Variants in INTS3 observed in about 807,000 individuals in gnomAD.
The protein encoded by INTS3 is integrator complex subunit 3, also known as SOSS complex subunit A.
A neutral mutation model predicts 146.3 loss-of-function variants in INTS3; 34 were observed. The observed-to-expected ratio is 0.23, with a 90% CI of 0.18 to 0.31. The LOEUF is 0.31. Ranked by LOEUF, INTS3 falls within the 10% of genes least tolerant of loss-of-function variation. The pLI is 1.00. For synonymous variants in INTS3, 475 were observed against 494.9 expected (o/e 0.96, Z 0.53); for missense variants, 757 against 1,304.2 (o/e 0.58, Z 6.46).
At chr1:153,770,850 T>G in intron 25 of INTS3, 117 bp downstream of exon 25, 2 of 773,590 alleles carry the variant, frequency 2.6e-6, no homozygotes, top group Non-Finnish European at 4.5e-6. Flanking sequence ...CGTTAACATC[T>G]GCTTATTCTG....
chr1:153,749,947 AC>A (rs1322734059), intron 6 of INTS3, among the ~76,000 whole-genome samples: 2 of 152,180 alleles, frequency 1.3e-5, no homozygotes, highest in Non-Finnish European at 2.9e-5. Context: ...CAAAAAACTT[AC>A]ATCTTTTGGT....
At position 153,764,672 on chromosome 1, in the gene INTS3, A is replaced by ATTC. The variant is rs1251150990; in HGVS notation, c.1926-17_1926-16insTCT. ...GCCCCCCTCACATGGATTCTCAAAT[A>ATTC]TAACCCTCTTCTTGTAGGTCCCTGG... On this transcript the variant is annotated splice_polypyrimidine_tract_variant and intron_variant, in intron 18 of 29. Coordinates refer to ENST00000318967, the MANE Select transcript of INTS3 (RefSeq NM_023015.5). The ATTC allele has an allele frequency of 6.3e-7, 1 of 1,594,890 alleles. No individual in the cohort carries two copies. The highest frequency in any genetic ancestry group is 1.3e-5 in the African/African-American group (1 of 74,470).
In INTS3 at chr1:153,753,652, T is replaced by TC. The variant is rs1672048049; in HGVS notation, c.860-989dup. 6 of 147,862 alleles carry TC rather than the reference T, an allele frequency of 4.1e-5. 1 individual carries two copies. Among genetic ancestry groups the TC allele is most frequent in the African/African-American group, 1.5e-4 (6 of 39,886 alleles). 9.2% of individuals were successfully genotyped at this position (147,862 alleles called of 1,614,324 possible). The stretch of plus-strand genomic sequence containing the variant: ...TGGTAGGTTAGGTGACAGAGGCAGG[T>TC]CTCTTTTTTTTTTTTTTTTTTGAGA... On this transcript the variant is annotated intron_variant, in intron 8 of 29. Coordinates refer to ENST00000318967, the MANE Select transcript of INTS3 (RefSeq NM_023015.5).
Position 153,752,230 on chromosome 1 carries a change from C to A in INTS3, c.730-49C>A, listed in dbSNP as rs765847739. Reference sequence around the variant, plus strand: ...GTCCTCCCTCCAGCAGGTAAACAATCCATGTTTTTATTCTCTTTCCTGTCC... The same window carrying A: ...GTCCTCCCTCCAGCAGGTAAACAATACATGTTTTTATTCTCTTTCCTGTCC... On this transcript the variant is annotated intron_variant, in intron 7 of 29. Coordinates refer to ENST00000318967, the MANE Select transcript of INTS3 (RefSeq NM_023015.5). The A allele has an allele frequency of 1.3e-6, 2 of 1,581,494 alleles. 1 individual carries two copies. Among genetic ancestry groups the A allele is most frequent in the South Asian group, 2.2e-5 (2 of 90,140 alleles).
intron 21 of INTS3, 33 bp downstream of exon 21, chr1:153,767,860 G>C: frequency 6.4e-7 from 1 of 1,565,498 alleles, no homozygotes; most frequent in Non-Finnish European, 8.7e-7. Context: ...GTGCCGGGGG[G>C]CTCACAGGAA....
At chr1:153,769,052 G>A (rs1008688952) in intron 22 of INTS3, 91 bp downstream of exon 22, 4 of 1,042,126 alleles carry the variant, frequency 3.8e-6, no homozygotes, top group African/African-American at 1.6e-5. Flanking sequence ...TGCAGACAGG[G>A]AGCCCATGCC....
rs762084570 is a variant in INTS3 at position 153,748,729 on chromosome 1, T to C, written c.558T>C (p.Ser186=). The C allele has an allele frequency of 4.3e-6, 7 of 1,613,996 alleles. No individual in the cohort carries two copies. Among genetic ancestry groups the C allele is most frequent in the Non-Finnish European group, 5.1e-6 (6 of 1,180,012 alleles). Reference sequence around the variant, plus strand: ...CCAAAAATATCTGGTTGGCAGAAAGTGTTCTGGATATCCTGACAGAGCAAA... The same window carrying C: ...CCAAAAATATCTGGTTGGCAGAAAGCGTTCTGGATATCCTGACAGAGCAAA... ...VTAKNIWLAE[S]VLDILTEQRE... Residue 186 remains serine, a synonymous_variant, in exon 6 of 30, where the codon AGT becomes AGC. Transcript: ENST00000318967.
At chr1:153,752,156 A>G in intron 7 of INTS3, 123 bp from the exon 8 acceptor site, 1 of 963,682 alleles carries the variant, frequency 1.0e-6, no homozygotes, top group Non-Finnish European at 1.6e-6. Flanking sequence ...AAGAAATCAT[A>G]GTTTCTTCAA....
Position 153,770,638 on chromosome 1 carries a change from C to T in INTS3, c.2504-47C>T, listed in dbSNP as rs1219184839. Reference sequence around the variant, plus strand: ...ATGAGAGAGGTCCCCAGATTCCATCCTGGAATCATACCTTCCCCCTGAACA... The same window carrying T: ...ATGAGAGAGGTCCCCAGATTCCATCTTGGAATCATACCTTCCCCCTGAACA... On this transcript the variant is annotated intron_variant, in intron 24 of 29. Coordinates refer to ENST00000318967, the MANE Select transcript of INTS3 (RefSeq NM_023015.5). The T allele has an allele frequency of 2.6e-6, 4 of 1,520,250 alleles. No individual in the cohort carries two copies. In the African/African-American group the frequency reaches 4.1e-5, roughly 16 times the overall value. The allele number at this position is 1,520,250 out of a possible 1,614,324, so 94.2% of individuals were successfully genotyped here.
intron 17 of INTS3, 79 bp downstream of exon 17, chr1:153,763,965 C>T (rs1672483305): frequency 1.4e-6 from 2 of 1,419,428 alleles, no homozygotes; most frequent in Non-Finnish European, 2.0e-6. Context: ...AGACAACTCA[C>T]TTTTTCCCTC....
intron 1 of INTS3, among the ~76,000 whole-genome samples, chr1:153,738,026 A>C (rs547062574): frequency 2.6e-5 from 4 of 152,350 alleles, no homozygotes; most frequent in African/African-American, 9.6e-5. Context: ...AATCCAAGAT[A>C]TACAATTTTA....
chr1:153,773,311 C>T lies in INTS3; in HGVS notation c.*41C>T, dbSNP rs773295613. 5.1e-6 allele frequency: 8 copies of T among 1,558,838 alleles called. No homozygotes were observed. In the Admixed American group the frequency reaches 1.3e-4, roughly 26 times the overall value. On this transcript the variant is annotated 3_prime_UTR_variant, in exon 30 of 30. Transcript: ENST00000318967. ...ATCCCACCCCCGGCTGGACTGCCCT[C>T]TCCTTCTTGGTGATTCAAAGGTTAA...
chr1:153,769,354 C>T (rs1442391020), intron 22 of INTS3, among the ~76,000 whole-genome samples: 1 of 152,134 alleles, frequency 6.6e-6, no homozygotes, highest in Non-Finnish European at 1.5e-5. Flanking sequence ...TTGCTCGGGT[C>T]CTTCTGAGGC....
intron 3 of INTS3, among the ~76,000 whole-genome samples, chr1:153,745,063 A>G (rs1484406888): frequency 2.0e-5 from 3 of 151,832 alleles, no homozygotes; most frequent in Non-Finnish European, 4.4e-5. Flanking sequence ...TGTTATGTAT[A>G]TCAAATGCAG....
At chr1:153,730,767 T>G (rs1255737532) in intron 1 of INTS3, among the ~76,000 whole-genome samples, 1 of 152,110 alleles carries the variant, frequency 6.6e-6, no homozygotes, top group African/African-American at 2.4e-5. Flanking sequence ...ATGTGGATGT[T>G]TCCCAGTATG....
intron 1 of INTS3, among the ~76,000 whole-genome samples, chr1:153,736,678 C>T (rs1039237885): frequency 2.0e-5 from 3 of 151,704 alleles, no homozygotes; most frequent in Non-Finnish European, 4.4e-5. Flanking sequence ...AACTCCTAAC[C>T]TCATAATCCA....
intron 3 of INTS3, among the ~76,000 whole-genome samples, chr1:153,742,507 T>TGTGTGTGTGTGTGC (rs1297466558): frequency 1.0e-4 from 15 of 144,952 alleles, no homozygotes; most frequent in African/African-American, 3.2e-4. Flanking sequence ...TGTGTGTGTG[T>TGTGTGTGTGTGTGC]GCGTGCGCAT....
chr1:153,753,354 C>A (rs1245532974), intron 8 of INTS3, among the ~76,000 whole-genome samples: 3 of 151,854 alleles, frequency 2.0e-5, no homozygotes, highest in Non-Finnish European at 4.4e-5. Flanking sequence ...GTCAAGAGTT[C>A]AAGACCATCC....
intron 13 of INTS3, 32 bp from the exon 14 acceptor site, chr1:153,761,538 T>G: frequency 4.9e-6 from 7 of 1,421,896 alleles, no homozygotes; most frequent in Non-Finnish European, 6.9e-6. Context: ...AGAGAAGCTC[T>G]GATATTGACC....
Sources: gnomAD v4.1 joint callset for allele counts (sites outside exome capture counted in the v4.1 genomes callset) on GRCh38, gnomAD v4.1.1 for gene constraint, MANE v1.5 for transcripts, NCBI Gene and HGNC (gene_info 2026-07-23, HGNC 2026-07-21) for gene names.